The following SH3RF3 variants were observed in gnomAD, a reference collection of about 807,000 sequenced individuals.
SH3RF3 encodes E3 ubiquitin-protein ligase SH3RF3.
SH3RF3 carries 29 observed loss-of-function variants against 66.3 expected under a neutral mutation model. That is an observed-to-expected ratio of 0.44 (90% CI 0.33 to 0.60). The LOEUF (loss-of-function observed/expected upper bound fraction) is 0.60. SH3RF3 is among the 20% of genes least tolerant of loss of function. SH3RF3 has a pLI of 0.04. For synonymous variants in SH3RF3, 583 were observed against 532.0 expected (o/e 1.10, Z -1.32); for missense variants, 1,194 against 1,190.9 (o/e 1.00, Z -0.04).
chr2:109,313,954 G>A (rs1429426271), intron 1 of SH3RF3, among the ~76,000 whole-genome samples: 1 of 152,136 alleles, frequency 6.6e-6, no homozygotes, highest in South Asian at 2.1e-4. Context: ...TTGTTTTGTA[G>A]GGCACAAGAC....
At chr2:109,393,424 A>T (rs543477877) in intron 3 of SH3RF3, among the ~76,000 whole-genome samples, 1 of 152,160 alleles carries the variant, frequency 6.6e-6, no homozygotes, top group Non-Finnish European at 1.5e-5. Flanking sequence ...GCCCACACCT[A>T]TTGAGCCGGA....
Position 109,503,444 on chromosome 2 carries a change from CT to C in SH3RF3, c.*1774del, listed in dbSNP as rs2104423511. 6.6e-6 allele frequency: 1 copy of C among 152,194 alleles called. No individual in the cohort carries two copies. The highest frequency in any genetic ancestry group is 2.1e-4 in the South Asian group (1 of 4,818). 9.4% of individuals were successfully genotyped at this position (152,194 alleles called of 1,614,324 possible). ...CACACGGCGGGGGTCATGCCTTTCC[CT>C]CCCCCAAGATGATAATAGATTTAAT... On this transcript the variant is annotated 3_prime_UTR_variant, in exon 10 of 10. Coordinates refer to ENST00000309415, the MANE Select transcript of SH3RF3 (RefSeq NM_001099289.3).
chr2:109,198,211 A>T (rs957874778), intron 1 of SH3RF3, among the ~76,000 whole-genome samples: 1 of 152,180 alleles, frequency 6.6e-6, no homozygotes, highest in African/African-American at 2.4e-5. Context: ...TGGCCTGCAT[A>T]GGTTGTAAAT....
At chr2:109,163,646 G>A (rs1268018035) in intron 1 of SH3RF3, among the ~76,000 whole-genome samples, 5 of 151,892 alleles carry the variant, frequency 3.3e-5, no homozygotes, top group African/African-American at 4.8e-5. Flanking sequence ...TGATCCGCCC[G>A]CCTCGGCCTC....
chr2:109,196,107 G>A (rs898999694), intron 1 of SH3RF3, among the ~76,000 whole-genome samples: 2 of 152,240 alleles, frequency 1.3e-5, no homozygotes, highest in Non-Finnish European at 2.9e-5. Context: ...CTCCTTTAAT[G>A]GGACGAGGGA....
intron 1 of SH3RF3, among the ~76,000 whole-genome samples, chr2:109,204,537 C>T (rs1232107037): frequency 6.6e-6 from 1 of 152,142 alleles, no homozygotes; most frequent in Non-Finnish European, 1.5e-5. Flanking sequence ...TATTTGTGTG[C>T]AATGTACAAT....
intron 3 of SH3RF3, 43 bp from the exon 4 acceptor site, chr2:109,398,547 A>G (rs1268907592): frequency 6.0e-6 from 9 of 1,488,924 alleles, no homozygotes; most frequent in Non-Finnish European, 9.0e-7. Flanking sequence ...GTGGCATGTG[A>G]CCATGATTTA....
intron 3 of SH3RF3, among the ~76,000 whole-genome samples, chr2:109,396,951 C>G (rs1025172163): frequency 9.9e-5 from 15 of 152,248 alleles, no homozygotes; most frequent in Non-Finnish European, 1.3e-4. Flanking sequence ...CCTGTACGTC[C>G]TTCCTGACCA....
At chr2:109,350,070 G>T (rs956118387) in intron 2 of SH3RF3, among the ~76,000 whole-genome samples, 2 of 152,270 alleles carry the variant, frequency 1.3e-5, no homozygotes, top group Non-Finnish European at 2.9e-5. Context: ...GGCAGGCCGG[G>T]CATTTAGTGT....
chr2:109,395,749 G>A (rs1676125580), intron 3 of SH3RF3, among the ~76,000 whole-genome samples: 1 of 152,228 alleles, frequency 6.6e-6, no homozygotes. Flanking sequence ...GAGGGGCCAG[G>A]CACTGTGCTT....
At chr2:109,462,976 G>C (rs1474456131) in intron 8 of SH3RF3, among the ~76,000 whole-genome samples, 4 of 152,230 alleles carry the variant, frequency 2.6e-5, no homozygotes, top group Non-Finnish European at 5.9e-5. Context: ...CAGTCACCCT[G>C]TTAAGGTAGA....
chr2:109,185,567 C>A (rs1678165679), intron 1 of SH3RF3, among the ~76,000 whole-genome samples: 1 of 152,194 alleles, frequency 6.6e-6, no homozygotes, highest in Non-Finnish European at 1.5e-5. Flanking sequence ...GAGTCTCTGT[C>A]TCTTTGGCCA....
intron 7 of SH3RF3, among the ~76,000 whole-genome samples, chr2:109,437,776 G>T (rs1573251861): frequency 6.6e-6 from 1 of 152,204 alleles, no homozygotes; most frequent in East Asian, 1.9e-4. Context: ...AAATTATGGG[G>T]TGGGCCTTAA....
chr2:109,166,357 G>A (rs1314400448), intron 1 of SH3RF3, among the ~76,000 whole-genome samples: 8 of 151,214 alleles, frequency 5.3e-5, no homozygotes, highest in Non-Finnish European at 1.0e-4. Context: ...TGTGCCTGTA[G>A]TCCCAGCTAC....
chr2:109,256,203 A>C (rs1680217248), intron 1 of SH3RF3, among the ~76,000 whole-genome samples: 1 of 152,126 alleles, frequency 6.6e-6, no homozygotes, highest in South Asian at 2.1e-4. Context: ...TGGAGGTGAA[A>C]GGTAGACAAG....
intron 1 of SH3RF3, among the ~76,000 whole-genome samples, chr2:109,144,129 A>G (rs1239956832): frequency 6.6e-6 from 1 of 152,268 alleles, no homozygotes; most frequent in African/African-American, 2.4e-5. Flanking sequence ...ACTGTGCAGC[A>G]TGGTGACCAT....
intron 8 of SH3RF3, among the ~76,000 whole-genome samples, chr2:109,465,677 C>T (rs1678322544): frequency 6.6e-6 from 1 of 152,170 alleles, no homozygotes; most frequent in Non-Finnish European, 1.5e-5. Flanking sequence ...GCAGGCTCTA[C>T]AGGAAGCATA....
Position 109,133,844 on chromosome 2 carries a change from T to A in SH3RF3, c.573+3731T>A, listed in dbSNP as rs529555495. ...CATAGTTGGGAATAAGGACAACAGA[T>A]CCCTGATAAGCACAGGCTTCCCCAG... On this transcript the variant is annotated intron_variant, in intron 1 of 9. Coordinates refer to ENST00000309415, the MANE Select transcript of SH3RF3 (RefSeq NM_001099289.3). Among the ~76,000 whole-genome samples the A allele has an allele frequency of 5.2e-4, 79 of 151,978 alleles. 1 individual carries two copies. The South Asian group carries it at 0.016, about 30-fold the overall frequency.
At chr2:109,454,828 G>A (rs185046978) in intron 8 of SH3RF3, among the ~76,000 whole-genome samples, 29 of 152,082 alleles carry the variant, frequency 1.9e-4, no homozygotes, top group African/African-American at 4.8e-4. Context: ...CCCATAGAAG[G>A]CACCTGGTGA....
Sources: gnomAD v4.1 joint callset for allele counts (sites outside exome capture counted in the v4.1 genomes callset) on GRCh38, gnomAD v4.1.1 for gene constraint, MANE v1.5 for transcripts, NCBI Gene and HGNC (gene_info 2026-07-23, HGNC 2026-07-21) for gene names.